SIRT5: variants seen among roughly 807,000 people sequenced by gnomAD.
The protein encoded by SIRT5 is sirtuin 5.
SIRT5 carries 26 observed loss-of-function variants against 40.0 expected under a neutral mutation model. The observed-to-expected ratio is 0.65, with a 90% CI of 0.48 to 0.90. The LOEUF is 0.90. Ranked by LOEUF, SIRT5 falls within the 40% of genes least tolerant of loss-of-function variation. The pLI is 0.00. For missense variants in SIRT5, 401 were observed against 402.4 expected (o/e 1.00, Z 0.03); for synonymous variants, 146 against 149.1 (o/e 0.98, Z 0.15).
chr6:13,596,839 G>T, intron 6 of SIRT5, 124 bp from the exon 7 acceptor site: 1 of 698,312 alleles, frequency 1.4e-6, no homozygotes, highest in South Asian at 2.0e-5. Flanking sequence ...TTCCAAGTGA[G>T]CATGTATTAA....
At position 13,599,069 on chromosome 6, in the gene SIRT5, C is replaced by T; in HGVS notation, c.655C>T (p.His219Tyr). 1 of 1,614,094 alleles carries T rather than the reference C, an allele frequency of 6.2e-7. No individual in the cohort carries two copies. The highest frequency in any genetic ancestry group is 8.5e-7 in the Non-Finnish European group (1 of 1,180,022). Residue 219 changes from histidine (H) to tyrosine (Y), a missense_variant, in exon 8 of 10, where the codon CAC becomes TAC. Transcript: ENST00000606117. ...AGGCTGCGGGGGCTTGCTGCGACCT[C>T]ACGTCGTGTGGTTTGGAGAAAACCT... ...EAGCGGLLRPHVVWFGENLDP... is the reference protein window; with the variant it reads ...EAGCGGLLRPYVVWFGENLDP...
chr6:13,603,951 C>G (rs947517261), intron 9 of SIRT5, among the ~76,000 whole-genome samples: 2 of 152,108 alleles, frequency 1.3e-5, no homozygotes, highest in African/African-American at 4.8e-5. Flanking sequence ...CATAAAAGAC[C>G]ATATATGGTA....
At chr6:13,584,271 ACCTGAAAGT>A (rs1562263882) in intron 3 of SIRT5, 46 bp downstream of exon 3, 2 of 1,346,266 alleles carry the variant, frequency 1.5e-6, no homozygotes, top group Admixed American at 1.7e-5. Flanking sequence ...AATGTGAAGT[ACCTGAAAGT>A]CCTACACTTC....
At chr6:13,608,083 A>G (rs914167260) in intron 9 of SIRT5, among the ~76,000 whole-genome samples, 3 of 152,218 alleles carry the variant, frequency 2.0e-5, no homozygotes, top group African/African-American at 7.2e-5. Flanking sequence ...TTTTAAAATA[A>G]AAACTACCAT....
chr6:13,604,424 A>C, intron 9 of SIRT5: 1 of 1,077,996 alleles, frequency 9.3e-7, no homozygotes, highest in East Asian at 2.4e-5. Context: ...TTTGTGAAGC[A>C]GGACCTGAGC....
At chr6:13,589,844 C>T (rs769076220) in intron 4 of SIRT5, among the ~76,000 whole-genome samples, 5 of 152,062 alleles carry the variant, frequency 3.3e-5, no homozygotes, top group Admixed American at 1.3e-4. Context: ...TAGTTGCGTC[C>T]GAAAAGGCTC....
At chr6:13,598,190 T>A in intron 7 of SIRT5, among the ~76,000 whole-genome samples, 1 of 152,234 alleles carries the variant, frequency 6.6e-6, no homozygotes, top group South Asian at 2.1e-4. Flanking sequence ...GGAGGATTCC[T>A]GTGATGCAGG....
chr6:13,584,322 G>T, intron 3 of SIRT5, 97 bp downstream of exon 3: 1 of 918,210 alleles, frequency 1.1e-6, no homozygotes. Flanking sequence ...TTAGGTATTG[G>T]GCAAGGTTTT....
chr6:13,584,987 C>T (rs1316517484), intron 3 of SIRT5: 1 of 152,178 alleles, frequency 6.6e-6, no homozygotes, highest in Non-Finnish European at 1.5e-5. Context: ...GTTTTGGCAG[C>T]ACAAGGCTGA....
intron 4 of SIRT5, among the ~76,000 whole-genome samples, chr6:13,589,823 G>C (rs559386190): frequency 6.0e-4 from 91 of 152,332 alleles, no homozygotes; most frequent in African/African-American, 1.8e-3. Flanking sequence ...GGAGCTCGGA[G>C]GAGGGGCGCT....
chr6:13,578,697 G>T (rs1244947800), intron 1 of SIRT5, among the ~76,000 whole-genome samples: 1 of 150,904 alleles, frequency 6.6e-6, no homozygotes, highest in East Asian at 1.9e-4. Flanking sequence ...CATCAGTGAA[G>T]CCATCAGGTT....
In SIRT5 at chr6:13,612,059, G is replaced by C. The variant is rs1293847195; in HGVS notation, c.*194G>C. Reference sequence around the variant, plus strand: ...AGAGCACCCACATTCAAAAGTCACAGAACTGGAAAGTTAATTCATATTATT... The same window carrying C: ...AGAGCACCCACATTCAAAAGTCACACAACTGGAAAGTTAATTCATATTATT... On this transcript the variant is annotated 3_prime_UTR_variant, in exon 10 of 10. Coordinates refer to ENST00000606117, the MANE Select transcript of SIRT5 (RefSeq NM_012241.5). 6.7e-6 allele frequency: 3 copies of C among 445,076 alleles called. No homozygotes were observed. The highest frequency in any genetic ancestry group is 8.0e-6 in the Non-Finnish European group (2 of 249,350). 27.6% of individuals were successfully genotyped at this position (445,076 alleles called of 1,614,324 possible). A position where few individuals can be genotyped will look rare whatever the true frequency, so the allele number is the denominator to read the frequency against.
intron 7 of SIRT5, among the ~76,000 whole-genome samples, chr6:13,598,050 T>C (rs899446804): frequency 3.9e-5 from 6 of 152,232 alleles, no homozygotes; most frequent in Non-Finnish European, 5.9e-5. Context: ...TGCTGCCTTC[T>C]AAAAAGTGGT....
intron 3 of SIRT5, chr6:13,585,271 C>G (rs1245668076): frequency 6.6e-6 from 1 of 151,504 alleles, no homozygotes; most frequent in Admixed American, 6.6e-5. Flanking sequence ...AATTTAAGTT[C>G]TAGGGTACAT....
At chr6:13,605,556 C>T in intron 9 of SIRT5, 1 of 985,398 alleles carries the variant, frequency 1.0e-6, no homozygotes, top group Non-Finnish European at 1.2e-6. Context: ...AGATTCTTTG[C>T]CCCAGTTCTA....
chr6:13,590,585 A>C (rs1036270616), intron 4 of SIRT5, among the ~76,000 whole-genome samples: 2 of 151,754 alleles, frequency 1.3e-5, no homozygotes, highest in Non-Finnish European at 2.9e-5. Flanking sequence ...GTGTATTAAC[A>C]GATATGTGTA....
At chr6:13,593,346 G>T (rs953794684) in intron 5 of SIRT5, among the ~76,000 whole-genome samples, 1 of 152,046 alleles carries the variant, frequency 6.6e-6, no homozygotes, top group African/African-American at 2.4e-5. Flanking sequence ...TACTCATTTC[G>T]ACTGTGTCTG....
chr6:13,596,885 TACAAACTG>T, intron 6 of SIRT5, 70 bp from the exon 7 acceptor site: 1 of 1,206,322 alleles, frequency 8.3e-7, no homozygotes, highest in East Asian at 2.5e-5. Context: ...CAGGCAAATA[TACAAACTG>T]AGTTATGTTG....
At chr6:13,604,421 A>G in intron 9 of SIRT5, 1 of 1,065,238 alleles carries the variant, frequency 9.4e-7, no homozygotes, top group South Asian at 1.3e-5. Flanking sequence ...AACTTTGTGA[A>G]GCAGGACCTG....
Sources: gnomAD v4.1 joint callset for allele counts (sites outside exome capture counted in the v4.1 genomes callset) on GRCh38, gnomAD v4.1.1 for gene constraint, MANE v1.5 for transcripts, NCBI Gene and HGNC (gene_info 2026-07-23, HGNC 2026-07-21) for gene names.